Variants in LRRC8C observed in about 807,000 individuals in gnomAD.
The protein encoded by LRRC8C is leucine rich repeat containing 8 VRAC subunit C.
A neutral mutation model predicts 55.3 loss-of-function variants in LRRC8C; 20 were observed. That is an observed-to-expected ratio of 0.36 (90% CI 0.25 to 0.53). The LOEUF is 0.53. Ranked by LOEUF, LRRC8C falls within the 20% of genes least tolerant of loss-of-function variation. The pLI, the probability that LRRC8C is intolerant of heterozygous loss-of-function variation, is 0.92. For missense variants in LRRC8C, 659 were observed against 951.4 expected, an observed-to-expected ratio of 0.69 and a Z score of 4.04; for synonymous variants, 376 against 360.7, an observed-to-expected ratio of 1.04 and a Z score of -0.48.
At chr1:89,639,106 C>G (rs1656384142) in intron 1 of LRRC8C, among the ~76,000 whole-genome samples, 1 of 151,900 alleles carries the variant, frequency 6.6e-6, no homozygotes, top group African/African-American at 2.4e-5. Flanking sequence ...CTGCCTCAGC[C>G]TCTGGAGTAG....
chr1:89,702,555 C>A (rs1658362437), intron 2 of LRRC8C, among the ~76,000 whole-genome samples: 1 of 151,810 alleles, frequency 6.6e-6, no homozygotes, highest in Non-Finnish European at 1.5e-5. Flanking sequence ...GGCAACATGG[C>A]AAGACCCTAT....
At chr1:89,649,630 T>C (rs1360360672) in intron 1 of LRRC8C, among the ~76,000 whole-genome samples, 1 of 152,184 alleles carries the variant, frequency 6.6e-6, no homozygotes, top group Non-Finnish European at 1.5e-5. Flanking sequence ...CTAATTTCTC[T>C]CTGGAAGGAA....
Position 89,675,501 on chromosome 1 carries a change from C to A in LRRC8C, c.-4-10969C>A, listed in dbSNP as rs151218382. 3.2e-4 allele frequency among the ~76,000 whole-genome samples: 49 copies of A among 152,346 alleles called. No individual in the cohort carries two copies. The East Asian group carries it at 8.3e-3, about 26-fold the overall frequency. On this transcript the variant is annotated intron_variant, in intron 1 of 2. Transcript: ENST00000370454. ...TTCATGGTGTGCCTGCTGCTTAGAA[C>A]CCTGTGCCCTCTTTGTTCAAGGGGT...
chr1:89,643,327 C>T (rs1416536879), intron 1 of LRRC8C, among the ~76,000 whole-genome samples: 1 of 152,250 alleles, frequency 6.6e-6, no homozygotes, highest in African/African-American at 2.4e-5. Context: ...AAGTGATCCA[C>T]CTGCCCTGCC....
At chr1:89,657,866 A>G (rs1656995297) in intron 1 of LRRC8C, among the ~76,000 whole-genome samples, 1 of 152,182 alleles carries the variant, frequency 6.6e-6, no homozygotes, top group African/African-American at 2.4e-5. Context: ...AGTCATGTAC[A>G]TATTAGAATA....
chr1:89,633,351 G>GAGAGGGGCAGCCCGC (rs1553163450), intron 1 of LRRC8C, 29 bp downstream of exon 1: 1 of 152,356 alleles, frequency 6.6e-6, no homozygotes, highest in Admixed American at 6.5e-5. Context: ...CGGAGGGATG[G>GAGAGGGGCAGCCCGC]AGAGGGGCAG....
chr1:89,637,309 A>ATAC (rs1656317079), intron 1 of LRRC8C, among the ~76,000 whole-genome samples: 1 of 96,160 alleles, frequency 1.0e-5, no homozygotes, highest in South Asian at 2.9e-4. Flanking sequence ...AGAGGAAGGA[A>ATAC]CACCTACCTC....
chr1:89,625,926 C>T, the LRRC8C span, among the ~76,000 whole-genome samples: 1 of 152,098 alleles, frequency 6.6e-6, no homozygotes, highest in African/African-American at 2.4e-5. Context: ...TATGAAAAGA[C>T]TGAAAAATTT....
intron 2 of LRRC8C, among the ~76,000 whole-genome samples, chr1:89,693,231 G>A (rs180686898): frequency 2.6e-5 from 4 of 151,998 alleles, no homozygotes; most frequent in East Asian, 1.9e-4. Context: ...GCTGATCCCC[G>A]CTTTGATTTT....
intron 2 of LRRC8C, among the ~76,000 whole-genome samples, chr1:89,709,114 T>C (rs1570742780): frequency 1.3e-5 from 2 of 152,222 alleles, no homozygotes; most frequent in African/African-American, 2.4e-5. Context: ...CTTCTGGAGA[T>C]TGCCTGTGGC....
Position 89,714,138 on chromosome 1 carries a change from G to T in LRRC8C, c.1568G>T (p.Gly523Val), listed in dbSNP as rs1658738883. The T allele has an allele frequency of 6.2e-7, 1 of 1,614,098 alleles. No individual in the cohort carries two copies. The highest frequency in any genetic ancestry group is 2.2e-5 in the East Asian group (1 of 44,890). ...AATCTGGAAGAGCTGTACCTAGTTG[G>T]CTCTCTAAGTCATGATATTTCCAGA... ...LRNLEELYLV[G>V]SLSHDISRNV... is the part of the protein sequence containing the mutation. The change falls in exon 3 of 3, where the codon GGC becomes GTC. Residue 523 changes from glycine (G) to valine (V), a missense_variant. By Grantham distance (109) the Gly-to-Val change is moderately radical (BLOSUM62 -3). Around this residue, in one of 5 missense-constraint regions of LRRC8C, gnomAD observed 344 missense variants for 464.6 expected, o/e 0.74. Coordinates refer to ENST00000370454, the MANE Select transcript of LRRC8C (RefSeq NM_032270.5). This position sits in a 1 kb window ranked among gnomAD's most constrained non-coding sequence, Gnocchi z 4.6.
In LRRC8C at chr1:89,719,409, A is replaced by C. The variant is rs1373333066; in HGVS notation, c.*4427A>C. The C allele has an allele frequency of 6.6e-6, 1 of 152,122 alleles. No individual in the cohort carries two copies. Among genetic ancestry groups the C allele is most frequent in the Admixed American group, 6.6e-5 (1 of 15,262 alleles). 9.4% of individuals were successfully genotyped at this position (152,122 alleles called of 1,614,324 possible). Reference sequence around the variant, plus strand: ...ATGTCAAAAGCTGGCAAAACCTCTAAAACTGTCAAGAAAATGCTTGAAAGT... The same window carrying C: ...ATGTCAAAAGCTGGCAAAACCTCTACAACTGTCAAGAAAATGCTTGAAAGT... On this transcript the variant is annotated 3_prime_UTR_variant, in exon 3 of 3. Transcript: ENST00000370454.
At chr1:89,660,060 T>C (rs918086330) in intron 1 of LRRC8C, among the ~76,000 whole-genome samples, 16 of 152,090 alleles carry the variant, frequency 1.1e-4, no homozygotes, top group African/African-American at 3.6e-4. Flanking sequence ...TCAAATATTA[T>C]CCAAGCAGCG....
intron 1 of LRRC8C, chr1:89,676,486 CTCTCTTATTTATTG>C (rs568972696): frequency 1.3e-5 from 2 of 152,174 alleles, no homozygotes; most frequent in Non-Finnish European, 2.9e-5. Flanking sequence ...GTAATAGTCT[CTCTCTTATTTATTG>C]CAATGTCAGG....
At chr1:89,666,736 C>T (rs1570708690) in intron 1 of LRRC8C, among the ~76,000 whole-genome samples, 1 of 152,130 alleles carries the variant, frequency 6.6e-6, no homozygotes, top group Non-Finnish European at 1.5e-5. Context: ...GGAAGAATTT[C>T]AGGTTAAGTA....
At chr1:89,683,284 T>C (rs1657772401) in intron 1 of LRRC8C, among the ~76,000 whole-genome samples, 1 of 152,118 alleles carries the variant, frequency 6.6e-6, no homozygotes, top group African/African-American at 2.4e-5. Flanking sequence ...TGTTACAAAA[T>C]CATGCGTTAC....
intron 2 of LRRC8C, among the ~76,000 whole-genome samples, chr1:89,695,902 C>T (rs1658160266): frequency 6.6e-6 from 1 of 152,166 alleles, no homozygotes; most frequent in South Asian, 2.1e-4. Flanking sequence ...TTCCATTTTA[C>T]AGTTTTATTG....
rs970121491 is a variant in LRRC8C at position 89,719,264 on chromosome 1, C to T, written c.*4282C>T. The T allele has an allele frequency of 2.0e-5, 3 of 152,034 alleles. No homozygotes were observed. Among genetic ancestry groups the T allele is most frequent in the Admixed American group, 6.6e-5 (1 of 15,262 alleles). 9.4% of individuals were successfully genotyped at this position (152,034 alleles called of 1,614,324 possible). A position where few individuals can be genotyped will look rare whatever the true frequency, so the allele number is the denominator to read the frequency against. On this transcript the variant is annotated 3_prime_UTR_variant, in exon 3 of 3. Coordinates refer to ENST00000370454, the MANE Select transcript of LRRC8C (RefSeq NM_032270.5). ...AAATTTGTTTCTTTCTTCAGAATAC[C>T]TCTCTCCACCCCCCACCTTATTCTT...
intron 1 of LRRC8C, among the ~76,000 whole-genome samples, chr1:89,670,963 G>C (rs1463209877): frequency 6.6e-6 from 1 of 152,162 alleles, no homozygotes; most frequent in African/African-American, 2.4e-5. Context: ...GTTTGAATCA[G>C]TATAAAGAGC....
Sources: allele counts gnomAD v4.1 joint callset (sites outside exome capture counted in the v4.1 genomes callset), GRCh38; gene constraint gnomAD v4.1.1; regional missense constraint gnomAD v4.1.1; non-coding constraint Gnocchi (gnomAD v3.1); transcripts MANE v1.5; gene names NCBI Gene and HGNC (gene_info 2026-07-23, HGNC 2026-07-21).